Variants in IL1RAPL2 observed in about 807,000 individuals in gnomAD.
IL1RAPL2 encodes X-linked interleukin-1 receptor accessory protein-like 2.
IL1RAPL2 carries 3 observed loss-of-function variants against 44.1 expected under a neutral mutation model. The ratio of observed to expected loss-of-function variants is 0.07; its 90% CI spans 0.03 to 0.18. The LOEUF (loss-of-function observed/expected upper bound fraction) is 0.18, where lower values mean the gene tolerates loss of function less well. Among genes scored for constraint, IL1RAPL2 ranks in the 10% least tolerant of loss-of-function variants. The pLI, the probability that IL1RAPL2 is intolerant of heterozygous loss-of-function variation, is 1.00. For missense variants in IL1RAPL2, 391 were observed against 496.4 expected (o/e 0.79, Z 2.02); for synonymous variants, 181 against 178.8 (o/e 1.01, Z -0.10).
At chrX:105,186,324 T>C (rs2033586538) in intron 2 of IL1RAPL2, among the ~76,000 whole-genome samples, 1 of 111,043 alleles carries the variant, frequency 9.0e-6, no homozygotes, top group Admixed American at 9.6e-5. Context: ...AAAGTGCAAA[T>C]CAATAAGGTA....
intron 1 of IL1RAPL2, among the ~76,000 whole-genome samples, chrX:104,654,780 C>T (rs1339151231): frequency 2.7e-5 from 3 of 111,220 alleles, no homozygotes; most frequent in Non-Finnish European, 5.7e-5. Context: ...GCCATTTTCA[C>T]GATATTGATT....
chrX:104,690,415 G>C (rs939490292), intron 2 of IL1RAPL2, among the ~76,000 whole-genome samples: 1 of 112,323 alleles, frequency 8.9e-6, no homozygotes, highest in Non-Finnish European at 1.9e-5. Context: ...TGACATCAGA[G>C]ATGGCATGAC....
At chrX:104,788,331 C>T (rs1932808975) in intron 2 of IL1RAPL2, among the ~76,000 whole-genome samples, 1 of 111,585 alleles carries the variant, frequency 9.0e-6, no homozygotes, top group Non-Finnish European at 1.9e-5. Context: ...TTCAGAGAGA[C>T]ACTGGACAAG....
chrX:105,004,499 T>C (rs1338175250), intron 2 of IL1RAPL2, among the ~76,000 whole-genome samples: 2 of 110,415 alleles, frequency 1.8e-5, no homozygotes, highest in Non-Finnish European at 3.8e-5. Context: ...TGAGAACAGG[T>C]TGAATTTGTG....
At chrX:105,425,836 A>T in intron 5 of IL1RAPL2, among the ~76,000 whole-genome samples, 1 of 105,621 alleles carries the variant, frequency 9.5e-6, no homozygotes, top group Non-Finnish European at 1.9e-5. Context: ...AAATGCTACA[A>T]AAAACCCCAT....
chrX:104,624,881 G>T (rs1006381234), intron 1 of IL1RAPL2, among the ~76,000 whole-genome samples: 2 of 111,201 alleles, frequency 1.8e-5, no homozygotes, highest in Non-Finnish European at 3.8e-5. Flanking sequence ...AGCATAGAAA[G>T]ATGTTCACTA....
chrX:105,576,989 A>G lies in IL1RAPL2; in HGVS notation c.772+92602A>G, dbSNP rs189928227. ...TAGTTGCAGGGAAAAAAATTACTCT[A>G]TTTTATCATTGATATTCCCAAATGT... On this transcript the variant is annotated intron_variant, in intron 6 of 10. Transcript: ENST00000372582. Among the ~76,000 whole-genome samples the G allele has an allele frequency of 2.1e-3, 235 of 111,326 alleles. 2 individuals carry two copies. The highest frequency in any genetic ancestry group is 7.4e-3 in the African/African-American group (228 of 30,670).
At chrX:105,663,808 A>G (rs757964815) in intron 6 of IL1RAPL2, among the ~76,000 whole-genome samples, 11 of 112,118 alleles carry the variant, frequency 9.8e-5, no homozygotes, top group Non-Finnish European at 2.1e-4. Flanking sequence ...CTGCAGCTGC[A>G]GTTGCCTGCC....
chrX:105,074,691 T>A (rs1268620554), intron 2 of IL1RAPL2, among the ~76,000 whole-genome samples: 1 of 107,107 alleles, frequency 9.3e-6, no homozygotes, highest in Non-Finnish European at 1.9e-5. Context: ...TGTTCTTCCA[T>A]TTGTTTGTAT....
intron 5 of IL1RAPL2, among the ~76,000 whole-genome samples, chrX:105,389,976 T>TA (rs899250491): frequency 2.7e-5 from 3 of 111,047 alleles, no homozygotes; most frequent in African/African-American, 9.8e-5. Context: ...GTGAGACATA[T>TA]ATAGCTCAGG....
At chrX:105,712,452 G>A (rs1351719372) in intron 6 of IL1RAPL2, among the ~76,000 whole-genome samples, 1 of 110,921 alleles carries the variant, frequency 9.0e-6, no homozygotes, top group Non-Finnish European at 1.9e-5. Context: ...AATTTATAAT[G>A]GAAAGAGGTT....
chrX:105,651,808 A>C (rs1406036293), intron 6 of IL1RAPL2, among the ~76,000 whole-genome samples: 2 of 111,537 alleles, frequency 1.8e-5, no homozygotes, highest in Admixed American at 1.9e-4. Flanking sequence ...CCCTGTGAAG[A>C]CCTCCTGAAA....
intron 5 of IL1RAPL2, among the ~76,000 whole-genome samples, chrX:105,466,386 A>C (rs190971367): frequency 3.6e-5 from 4 of 111,585 alleles, no homozygotes; most frequent in African/African-American, 1.3e-4. Flanking sequence ...TTCTGTAGCT[A>C]ATAATTCTTG....
intron 2 of IL1RAPL2, among the ~76,000 whole-genome samples, chrX:104,850,572 C>T (rs1400786526): frequency 9.0e-6 from 1 of 111,635 alleles, no homozygotes; most frequent in East Asian, 2.8e-4. Context: ...CTTTAATTAA[C>T]TATTTCATTG....
intron 6 of IL1RAPL2, among the ~76,000 whole-genome samples, chrX:105,516,386 CAG>C (rs748166238): frequency 9.8e-5 from 11 of 111,882 alleles, no homozygotes; most frequent in Non-Finnish European, 2.1e-4. Flanking sequence ...CCTCAAAACA[CAG>C]GGAAGAATTT....
intron 2 of IL1RAPL2, among the ~76,000 whole-genome samples, chrX:104,766,877 A>G (rs993091241): frequency 8.9e-6 from 1 of 112,301 alleles, no homozygotes; most frequent in African/African-American, 3.2e-5. Flanking sequence ...TGAACAATCA[A>G]CAGTCTCTCA....
chrX:105,104,169 G>C (rs373971068), intron 2 of IL1RAPL2, among the ~76,000 whole-genome samples: 192 of 111,274 alleles, frequency 1.7e-3, no homozygotes, highest in African/African-American at 5.9e-3. Flanking sequence ...CCCCAGACCA[G>C]CTATAGTCTC....
At chrX:105,038,887 G>T (rs1255308636) in intron 2 of IL1RAPL2, among the ~76,000 whole-genome samples, 1 of 111,108 alleles carries the variant, frequency 9.0e-6, no homozygotes, top group Non-Finnish European at 1.9e-5. Context: ...ACAGGACTAT[G>T]CCCTTTGGAA....
At chrX:104,906,074 T>A (rs1382365953) in intron 2 of IL1RAPL2, among the ~76,000 whole-genome samples, 3 of 109,573 alleles carry the variant, frequency 2.7e-5, no homozygotes, top group Non-Finnish European at 1.9e-5. Context: ...CAATTGTGAA[T>A]GGGAGTTCAC....
Sources: allele counts gnomAD v4.1 joint callset (sites outside exome capture counted in the v4.1 genomes callset), GRCh38; gene constraint gnomAD v4.1.1; transcripts MANE v1.5; gene names NCBI Gene and HGNC (gene_info 2026-07-23, HGNC 2026-07-21).